The following OTULINL variants were observed in gnomAD, a reference collection of about 807,000 sequenced individuals.
The protein encoded by OTULINL is inactive ubiquitin thioesterase OTULINL.
OTULINL carries 42 observed loss-of-function variants against 43.9 expected under a neutral mutation model. The ratio of observed to expected loss-of-function variants is 0.96; its 90% CI spans 0.75 to 1.24. The LOEUF is 1.24. Among genes scored for constraint, OTULINL ranks in the 50% most tolerant of loss-of-function variants. The pLI is 0.00. For synonymous variants in OTULINL, 172 were observed against 153.6 expected (o/e 1.12, Z -0.88); for missense variants, 411 against 426.4 (o/e 0.96, Z 0.32).
At chr5:14,586,862 G>A (rs1448802333) in intron 1 of OTULINL, among the ~76,000 whole-genome samples, 1 of 151,344 alleles carries the variant, frequency 6.6e-6, no homozygotes, top group Non-Finnish European at 1.5e-5. Flanking sequence ...TAAACATCAA[G>A]CGTTCACTGT....
In OTULINL at chr5:14,615,613, T is replaced by C. The variant is rs755405787; in HGVS notation, c.*5299T>C. 2.0e-5 allele frequency among the ~76,000 whole-genome samples: 3 copies of C among 152,286 alleles called. No individual in the cohort carries two copies. The highest frequency in any genetic ancestry group is 3.9e-4 in the East Asian group (2 of 5,182). ...GTTTGTTGTAACATCTTGGTATCAT[T>C]GTGGGTAAGTAGAACAAATATTTAC... is the stretch of plus-strand genomic sequence containing the variant. On this transcript the variant is annotated 3_prime_UTR_variant, in exon 8 of 8. Transcript: ENST00000274217.
rs1445912803 is a variant in OTULINL at position 14,612,428 on chromosome 5, G to A, written c.*2114G>A. ...GACCTCAGTCAACCCATCATGTTGT[G>A]TTGTGGGCGGGGGGCAAGAATTCTT... On this transcript the variant is annotated 3_prime_UTR_variant, in exon 8 of 8. Coordinates refer to ENST00000274217, the MANE Select transcript of OTULINL (RefSeq NM_019018.3). The A allele has an allele frequency of 6.6e-6, 1 of 152,232 alleles. No individual in the cohort carries two copies. The highest frequency in any genetic ancestry group is 1.5e-5 in the Non-Finnish European group (1 of 68,038). 9.4% of individuals were successfully genotyped at this position (152,232 alleles called of 1,614,324 possible). A position where few individuals can be genotyped will look rare whatever the true frequency, so the allele number is the denominator to read the frequency against.
At chr5:14,589,753 C>T (rs1759166510) in intron 1 of OTULINL, among the ~76,000 whole-genome samples, 1 of 152,096 alleles carries the variant, frequency 6.6e-6, no homozygotes, top group African/African-American at 2.4e-5. Flanking sequence ...GGGTTCGAGA[C>T]CAGCCTGGCC....
rs372567337 is a variant in OTULINL at position 14,606,019 on chromosome 5, C to G, written c.499-1311C>G. On this transcript the variant is annotated intron_variant, in intron 5 of 7. Transcript: ENST00000274217. ...GTATCTTTTCAGCAGCACCCCAGTC[C>G]TGGTACCAGTTTACTGTATTAGTCT... 6.0e-4 allele frequency among the ~76,000 whole-genome samples: 92 copies of G among 152,282 alleles called. 1 individual carries two copies. The highest frequency in any genetic ancestry group is 2.2e-3 in the African/African-American group (91 of 41,566).
chr5:14,605,033 C>T (rs1759449918), intron 5 of OTULINL, among the ~76,000 whole-genome samples: 1 of 152,200 alleles, frequency 6.6e-6, no homozygotes. Context: ...TGGGGGCTCC[C>T]ACCCCACATT....
chr5:14,604,408 T>C (rs1164734696), intron 5 of OTULINL, among the ~76,000 whole-genome samples: 2 of 152,164 alleles, frequency 1.3e-5, no homozygotes, highest in East Asian at 1.9e-4. Flanking sequence ...ATTCCACCCC[T>C]GGCCCCTCCC....
intron 1 of OTULINL, among the ~76,000 whole-genome samples, chr5:14,594,163 T>A (rs1313685694): frequency 6.6e-6 from 1 of 152,188 alleles, no homozygotes; most frequent in East Asian, 1.9e-4. Flanking sequence ...TAATCTATGA[T>A]TTTGCAAGAA....
chr5:14,597,349 T>G (rs1759304689), intron 1 of OTULINL, among the ~76,000 whole-genome samples: 1 of 152,168 alleles, frequency 6.6e-6, no homozygotes, highest in South Asian at 2.1e-4. Context: ...CAGGCTCTAC[T>G]ATGTGCTGTC....
intron 1 of OTULINL, among the ~76,000 whole-genome samples, chr5:14,593,585 G>T (rs1295990284): frequency 6.6e-6 from 1 of 152,220 alleles, no homozygotes; most frequent in African/African-American, 2.4e-5. Flanking sequence ...CTCTTTAGTA[G>T]TAGCCTATCC....
In OTULINL at chr5:14,612,543, C is replaced by G. The variant is rs1367203135; in HGVS notation, c.*2229C>G. ...TAGTTGCTATATTTTGGGAAGATGT[C>G]AAAACAGGTTTTTAGGGAGGAGGTA... On this transcript the variant is annotated 3_prime_UTR_variant, in exon 8 of 8. Transcript: ENST00000274217. The G allele has an allele frequency of 1.3e-5, 2 of 152,110 alleles. No homozygotes were observed. The highest frequency in any genetic ancestry group is 2.9e-5 in the Non-Finnish European group (2 of 68,006). 9.4% of individuals were successfully genotyped at this position (152,110 alleles called of 1,614,324 possible). A position where few individuals can be genotyped will look rare whatever the true frequency, so the allele number is the denominator to read the frequency against.
At position 14,613,213 on chromosome 5, in the gene OTULINL, C is replaced by T. The variant is rs1216881218; in HGVS notation, c.*2899C>T. The stretch of plus-strand genomic sequence containing the variant: ...CTGGGATTACGGGTGTGAGCCACTG[C>T]GCCCGGCCCTAACAATTTTTAAGTG... On this transcript the variant is annotated 3_prime_UTR_variant, in exon 8 of 8. Transcript: ENST00000274217. Among the ~76,000 whole-genome samples, 3 of 152,166 alleles carry T rather than the reference C, an allele frequency of 2.0e-5. No homozygotes were observed. The highest frequency in any genetic ancestry group is 7.2e-5 in the African/African-American group (3 of 41,444).
Position 14,612,565 on chromosome 5 carries a change from G to C in OTULINL, c.*2251G>C, listed in dbSNP as rs1248994773. 2 of 152,158 alleles carry C rather than the reference G, an allele frequency of 1.3e-5. No homozygotes were observed. The highest frequency in any genetic ancestry group is 2.9e-5 in the Non-Finnish European group (2 of 68,026). 9.4% of individuals were successfully genotyped at this position (152,158 alleles called of 1,614,324 possible). A position where few individuals can be genotyped will look rare whatever the true frequency, so the allele number is the denominator to read the frequency against. On this transcript the variant is annotated 3_prime_UTR_variant, in exon 8 of 8. Transcript: ENST00000274217. ...TGTCAAAACAGGTTTTTAGGGAGGA[G>C]GTATGAGGTGTTGTGTTGTTTTGTT...
chr5:14,600,493 A>G (rs1037199319), intron 1 of OTULINL, among the ~76,000 whole-genome samples: 8 of 152,200 alleles, frequency 5.3e-5, no homozygotes, highest in African/African-American at 1.4e-4. Flanking sequence ...GTAATTGTGT[A>G]TGGGATCCAA....
intron 1 of OTULINL, among the ~76,000 whole-genome samples, chr5:14,584,536 A>G (rs1396064317): frequency 6.6e-6 from 1 of 152,138 alleles, no homozygotes; most frequent in Non-Finnish European, 1.5e-5. Context: ...AAATAATGGT[A>G]ATGGCTAATG....
rs576840245 is a variant in OTULINL, at chr5:14,588,037, C to G, written c.64+6079C>G. The stretch of plus-strand genomic sequence containing the variant: ...CTTTGGGTCGACAGGTTTAATAGAT[C>G]TGTAGGACCCAGCATGAACTTCCAA... On this transcript the variant is annotated intron_variant, in intron 1 of 7. Coordinates refer to ENST00000274217, the MANE Select transcript of OTULINL (RefSeq NM_019018.3). Among the ~76,000 whole-genome samples, 3 of 152,264 alleles carry G rather than the reference C, an allele frequency of 2.0e-5. No individual in the cohort carries two copies. In the East Asian group the frequency reaches 5.8e-4, roughly 29 times the overall value.
chr5:14,590,090 CACTT>C (rs1759173940), intron 1 of OTULINL, among the ~76,000 whole-genome samples: 1 of 152,144 alleles, frequency 6.6e-6, no homozygotes, highest in Admixed American at 6.5e-5. Flanking sequence ...ACAGACACAA[CACTT>C]ACTTTTAGTT....
intron 1 of OTULINL, among the ~76,000 whole-genome samples, chr5:14,583,269 C>T (rs1422782943): frequency 6.6e-6 from 1 of 152,194 alleles, no homozygotes; most frequent in East Asian, 1.9e-4. Flanking sequence ...CAGGCAGCCC[C>T]TCCCAGTGGA....
At chr5:14,584,714 A>G (rs1759075598) in intron 1 of OTULINL, among the ~76,000 whole-genome samples, 1 of 152,222 alleles carries the variant, frequency 6.6e-6, no homozygotes, top group South Asian at 2.1e-4. Context: ...GAAGAAACCA[A>G]GTCACACACA....
intron 1 of OTULINL, among the ~76,000 whole-genome samples, chr5:14,600,006 A>C (rs947490165): frequency 2.0e-5 from 3 of 152,194 alleles, no homozygotes; most frequent in African/African-American, 7.2e-5. Context: ...ATGTTTCAAA[A>C]ATATATAAAT....
Sources: gnomAD v4.1 joint callset for allele counts (sites outside exome capture counted in the v4.1 genomes callset) on GRCh38, gnomAD v4.1.1 for gene constraint, MANE v1.5 for transcripts, NCBI Gene and HGNC (gene_info 2026-07-23, HGNC 2026-07-21) for gene names.